The following SLC2A13 variants were observed in gnomAD, a reference collection of about 807,000 sequenced individuals.
SLC2A13 encodes proton myo-inositol cotransporter.
Under a neutral mutation model 64.4 loss-of-function variants are expected in SLC2A13, and 32 were observed. The observed-to-expected ratio is 0.50, with a 90% CI of 0.37 to 0.67. The LOEUF (loss-of-function observed/expected upper bound fraction) is 0.67. Among genes scored for constraint, SLC2A13 ranks in the 30% least tolerant of loss-of-function variants. SLC2A13 has a pLI of 0.00. For synonymous variants in SLC2A13, 338 were observed against 327.1 expected (o/e 1.03, Z -0.36); for missense variants, 743 against 829.2 (o/e 0.90, Z 1.28).
intron 7 of SLC2A13, among the ~76,000 whole-genome samples, chr12:39,811,859 G>T (rs1430129051): frequency 6.6e-6 from 1 of 152,038 alleles, no homozygotes; most frequent in African/African-American, 2.4e-5. Context: ...AGTTGCATTT[G>T]TTTTCATGTC....
At chr12:39,826,067 G>C (rs1448514472) in intron 7 of SLC2A13, among the ~76,000 whole-genome samples, 1 of 151,874 alleles carries the variant, frequency 6.6e-6, no homozygotes, top group Non-Finnish European at 1.5e-5. Flanking sequence ...TGATTATTTG[G>C]ATTTACTTAT....
intron 3 of SLC2A13, among the ~76,000 whole-genome samples, chr12:39,997,818 G>C (rs28740233): frequency 6.6e-6 from 1 of 152,018 alleles, no homozygotes; most frequent in Non-Finnish European, 1.5e-5. Flanking sequence ...GTGACAGAGC[G>C]AGACTCCATC....
intron 3 of SLC2A13, among the ~76,000 whole-genome samples, chr12:40,015,372 T>G (rs1461828354): frequency 6.6e-6 from 1 of 152,208 alleles, no homozygotes; most frequent in Non-Finnish European, 1.5e-5. Flanking sequence ...ATGGAATTCC[T>G]TATCAGAACA....
chr12:40,078,783 GTTTT>G (rs990428432), intron 1 of SLC2A13, among the ~76,000 whole-genome samples: 1 of 152,094 alleles, frequency 6.6e-6, no homozygotes, highest in African/African-American at 2.4e-5. Context: ...TGGTTGGTAG[GTTTT>G]TTATTACTGA....
intron 6 of SLC2A13, among the ~76,000 whole-genome samples, chr12:39,845,751 G>A (rs1943292532): frequency 6.6e-6 from 1 of 152,124 alleles, no homozygotes; most frequent in Non-Finnish European, 1.5e-5. Flanking sequence ...AGACCCTACT[G>A]TACTGACAAA....
At chr12:40,093,997 G>A (rs576799230) in intron 1 of SLC2A13, among the ~76,000 whole-genome samples, 94 of 152,284 alleles carry the variant, frequency 6.2e-4, no homozygotes, top group African/African-American at 2.0e-3. Context: ...GGGTGAACAC[G>A]TAGCAGACTC....
intron 1 of SLC2A13, among the ~76,000 whole-genome samples, chr12:40,065,634 G>C (rs968611350): frequency 2.0e-5 from 3 of 152,042 alleles, no homozygotes; most frequent in Admixed American, 2.0e-4. Context: ...CTCTACAAAT[G>C]TTCTATATGG....
At chr12:39,830,929 T>C (rs573075813) in intron 6 of SLC2A13, among the ~76,000 whole-genome samples, 2 of 152,316 alleles carry the variant, frequency 1.3e-5, no homozygotes, top group African/African-American at 4.8e-5. Context: ...AATCAGTTAC[T>C]CATTGCTCAT....
At chr12:40,036,166 G>A (rs1381961609) in intron 2 of SLC2A13, among the ~76,000 whole-genome samples, 1 of 152,084 alleles carries the variant, frequency 6.6e-6, no homozygotes, top group East Asian at 1.9e-4. Context: ...CCATGATGGG[G>A]GTTTAGGCCC....
chr12:39,795,535 G>A (rs915424102), intron 7 of SLC2A13, among the ~76,000 whole-genome samples: 5 of 152,034 alleles, frequency 3.3e-5, no homozygotes, highest in African/African-American at 1.2e-4. Context: ...TACTCATGGT[G>A]CCTAGTTCCC....
At chr12:40,002,237 A>G (rs1947331658) in intron 3 of SLC2A13, among the ~76,000 whole-genome samples, 1 of 152,214 alleles carries the variant, frequency 6.6e-6, no homozygotes, top group South Asian at 2.1e-4. Context: ...CTCAGTCCTC[A>G]TAATTATCCT....
intron 4 of SLC2A13, among the ~76,000 whole-genome samples, chr12:39,889,793 G>A (rs926068968): frequency 3.3e-5 from 5 of 152,112 alleles, no homozygotes; most frequent in East Asian, 1.9e-4. Context: ...GCCTCCCAAA[G>A]TGTTGGGATT....
rs979542446 is a variant in SLC2A13 at position 40,018,774 on chromosome 12, G to A, written c.925+9527C>T. Among the ~76,000 whole-genome samples the A allele has an allele frequency of 3.9e-5, 6 of 152,286 alleles. No individual in the cohort carries two copies. The East Asian group carries it at 1.2e-3, about 29-fold the overall frequency. The stretch of plus-strand genomic sequence containing the variant: ...GGGTAAACAGGGAAGGTCAGGGGAT[G>A]TGAACAATCTCAGGGTGTCTCCAGG... On this transcript the variant is annotated intron_variant, in intron 3 of 9. Transcript: ENST00000280871.
intron 4 of SLC2A13, among the ~76,000 whole-genome samples, chr12:39,875,817 T>C (rs1258516701): frequency 6.6e-6 from 1 of 152,196 alleles, no homozygotes; most frequent in Non-Finnish European, 1.5e-5. Flanking sequence ...AATGTTTTCA[T>C]AAATAATGAT....
At chr12:40,007,686 G>A (rs1293986323) in intron 3 of SLC2A13, among the ~76,000 whole-genome samples, 2 of 151,970 alleles carry the variant, frequency 1.3e-5, no homozygotes, top group Non-Finnish European at 1.5e-5. Flanking sequence ...GTAAACTTGG[G>A]CAAGATTGTT....
intron 3 of SLC2A13, among the ~76,000 whole-genome samples, chr12:40,022,041 A>T (rs1947728345): frequency 6.7e-6 from 1 of 149,740 alleles, no homozygotes; most frequent in Non-Finnish European, 1.5e-5. Context: ...TTACTAGAGG[A>T]AAAAAAAAAG....
Position 39,791,278 on chromosome 12 carries a change from G to T in SLC2A13, c.1446-26420C>A, listed in dbSNP as rs1269971737. Among the ~76,000 whole-genome samples the T allele has an allele frequency of 2.4e-5, 3 of 125,736 alleles. No homozygotes were observed. In the East Asian group the frequency reaches 7.6e-4, roughly 32 times the overall value. 82.5% of individuals were successfully genotyped at this position (125,736 alleles called of 152,430 possible). Reference sequence around the variant, plus strand: ...CCACAGCCAATATCATACTGAATGGGCAAAAACTGGAAGCATTCCCTTTGA... The same window carrying T: ...CCACAGCCAATATCATACTGAATGGTCAAAAACTGGAAGCATTCCCTTTGA... On this transcript the variant is annotated intron_variant, in intron 7 of 9. Coordinates refer to ENST00000280871, the MANE Select transcript of SLC2A13 (RefSeq NM_052885.4).
At chr12:40,083,060 C>G (rs1938467342) in intron 1 of SLC2A13, among the ~76,000 whole-genome samples, 1 of 152,168 alleles carries the variant, frequency 6.6e-6, no homozygotes, top group Admixed American at 6.5e-5. Context: ...AGTCAGCCAT[C>G]TTGTTAAATA....
At chr12:39,856,057 T>G (rs1005221225) in intron 6 of SLC2A13, among the ~76,000 whole-genome samples, 1 of 152,174 alleles carries the variant, frequency 6.6e-6, no homozygotes, top group African/African-American at 2.4e-5. Context: ...AGAAGTAAAC[T>G]TTGAAGAAAC....
Sources: allele counts gnomAD v4.1 joint callset (sites outside exome capture counted in the v4.1 genomes callset), GRCh38; gene constraint gnomAD v4.1.1; transcripts MANE v1.5; gene names NCBI Gene and HGNC (gene_info 2026-07-23, HGNC 2026-07-21).